The following MARCHF1 variants were observed in gnomAD, a reference collection of about 807,000 sequenced individuals.
The protein encoded by MARCHF1 is E3 ubiquitin-protein ligase MARCHF1.
MARCHF1 carries 40 observed loss-of-function variants against 54.2 expected under a neutral mutation model. That is an observed-to-expected ratio of 0.74 (90% confidence interval 0.57 to 0.96). MARCHF1 has a LOEUF of 0.96. Among genes scored for constraint, MARCHF1 ranks in the 40% least tolerant of loss-of-function variants. The probability of loss-of-function intolerance (pLI) is 0.00; values close to 1 mark genes in which losing one functional copy is unlikely to be tolerated. For missense variants in MARCHF1, 586 were observed against 656.5 expected (o/e 0.89, Z 1.17); for synonymous variants, 236 against 236.3 (o/e 1.00, Z 0.01).
At chr4:164,250,772 CA>C (rs1193801250) in intron 1 of MARCHF1, among the ~76,000 whole-genome samples, 16 of 152,020 alleles carry the variant, frequency 1.1e-4, no homozygotes, top group Non-Finnish European at 2.1e-4. Flanking sequence ...ATTTTAACAA[CA>C]TTGCCTAGAA....
chr4:164,223,141 C>A (rs1732159978), intron 1 of MARCHF1, among the ~76,000 whole-genome samples: 1 of 151,966 alleles, frequency 6.6e-6, no homozygotes, highest in South Asian at 2.1e-4. Context: ...CCCTTAACAC[C>A]TGGGGATTAT....
At chr4:163,727,940 G>C (rs1745713418) in intron 4 of MARCHF1, among the ~76,000 whole-genome samples, 1 of 152,054 alleles carries the variant, frequency 6.6e-6, no homozygotes, top group Admixed American at 6.6e-5. Flanking sequence ...TCCCTCCTGG[G>C]CCTCTCAAAG....
intron 4 of MARCHF1, among the ~76,000 whole-genome samples, chr4:163,825,061 A>G (rs1308315800): frequency 6.6e-6 from 1 of 152,006 alleles, no homozygotes; most frequent in African/African-American, 2.4e-5. Flanking sequence ...AACTAGTTCA[A>G]CCAAATCTAT....
At chr4:164,340,405 T>TTATATACATATATATATATATATATATA (rs58808830) in intron 1 of MARCHF1, among the ~76,000 whole-genome samples, 11 of 95,646 alleles carry the variant, frequency 1.2e-4, no homozygotes, top group East Asian at 4.0e-4. Context: ...AGGCCTTGAT[T>TTATATACATATATATATATATATATATA]TATATATAGA....
At chr4:164,217,096 T>C (rs1731956010) in intron 1 of MARCHF1, among the ~76,000 whole-genome samples, 1 of 152,214 alleles carries the variant, frequency 6.6e-6, no homozygotes, top group Non-Finnish European at 1.5e-5. Flanking sequence ...CTAGAGATGA[T>C]AATTTGTCAA....
At chr4:163,936,123 G>A (rs1345632830) in intron 3 of MARCHF1, among the ~76,000 whole-genome samples, 1 of 152,158 alleles carries the variant, frequency 6.6e-6, no homozygotes, top group East Asian at 1.9e-4. Context: ...TGACGATGGA[G>A]CAGTCAGAAC....
chr4:164,244,993 G>A (rs1272322126), intron 1 of MARCHF1, among the ~76,000 whole-genome samples: 2 of 152,122 alleles, frequency 1.3e-5, no homozygotes, highest in Non-Finnish European at 2.9e-5. Context: ...AAGAGTCCAG[G>A]ACCAGATGGA....
In MARCHF1 at chr4:164,324,187, T is replaced by C. The variant is rs1251796020; in HGVS notation, c.-323+59683A>G. 3.3e-5 allele frequency among the ~76,000 whole-genome samples: 5 copies of C among 151,964 alleles called. No individual in the cohort carries two copies. The East Asian group carries it at 9.6e-4, about 29-fold the overall frequency. The stretch of plus-strand genomic sequence containing the variant: ...ACAAACAAACAGAGGAAGAAAATCA[T>C]ACAATTATAACATTAGAAGTAGGAA... On this transcript the variant is annotated intron_variant, in intron 1 of 9. Transcript: ENST00000514618.
At chr4:164,226,679 A>G (rs1200827078) in intron 1 of MARCHF1, among the ~76,000 whole-genome samples, 1 of 151,916 alleles carries the variant, frequency 6.6e-6, no homozygotes, top group African/African-American at 2.4e-5. Context: ...ATATATATAA[A>G]ATATATATAA....
chr4:164,208,567 A>C (rs1731676046), intron 1 of MARCHF1, among the ~76,000 whole-genome samples: 1 of 152,216 alleles, frequency 6.6e-6, no homozygotes, highest in Non-Finnish European at 1.5e-5. Context: ...AGGAGGAATA[A>C]GTGCCATTCT....
chr4:163,894,222 A>T (rs12643197), intron 3 of MARCHF1, among the ~76,000 whole-genome samples: 149,866 of 152,140 alleles, frequency 0.99, 73,865 homozygotes, highest in Middle Eastern at 1. Context: ...CCTTCAAGGC[A>T]GGATCAGTTT....
chr4:163,620,311 G>A (rs1044176962), intron 5 of MARCHF1, among the ~76,000 whole-genome samples: 2 of 152,002 alleles, frequency 1.3e-5, no homozygotes, highest in African/African-American at 2.4e-5. Flanking sequence ...TATTGTTGAA[G>A]TAACTGTAAA....
chr4:164,367,187 A>G (rs999084504), intron 1 of MARCHF1, among the ~76,000 whole-genome samples: 15 of 152,098 alleles, frequency 9.9e-5, no homozygotes, highest in Admixed American at 6.6e-4. Context: ...ATTTCTCCTT[A>G]TTACATTTTC....
At chr4:164,373,640 T>A (rs929811401) in intron 1 of MARCHF1, among the ~76,000 whole-genome samples, 1 of 151,930 alleles carries the variant, frequency 6.6e-6, no homozygotes, top group African/African-American at 2.4e-5. Context: ...CAGGCGTGAG[T>A]CACCGTGCCC....
chr4:164,197,472 TGCCAATACTTCCAG>T, intron 1 of MARCHF1: 2 of 1,613,720 alleles, frequency 1.2e-6, no homozygotes, highest in South Asian at 2.2e-5. Context: ...GACACTTTTC[TGCCAATACTTCCAG>T]GCCCCCTGAG....
At chr4:164,016,080 G>A (rs1337948193) in intron 2 of MARCHF1, among the ~76,000 whole-genome samples, 1 of 152,132 alleles carries the variant, frequency 6.6e-6, no homozygotes, top group African/African-American at 2.4e-5. Flanking sequence ...TGGATGAATG[G>A]ACAAAGAAAA....
At chr4:163,994,257 A>AGTGTGTGTGTGTGTGTGTGTGTGTGTGT (rs769035806) in intron 2 of MARCHF1, among the ~76,000 whole-genome samples, 2 of 137,028 alleles carry the variant, frequency 1.5e-5, no homozygotes, top group Admixed American at 7.5e-5. Flanking sequence ...ATAGAGAAAA[A>AGTGTGTGTGTGTGTGTGTGTGTGTGTGT]GTGTGTGTGT....
intron 1 of MARCHF1, among the ~76,000 whole-genome samples, chr4:164,235,316 A>G (rs1732518179): frequency 6.6e-6 from 1 of 152,148 alleles, no homozygotes; most frequent in Non-Finnish European, 1.5e-5. Context: ...TCTTTAGAAT[A>G]TTAAATGTTT....
At chr4:163,565,504 T>G (rs1384232349) in intron 8 of MARCHF1, among the ~76,000 whole-genome samples, 1 of 152,170 alleles carries the variant, frequency 6.6e-6, no homozygotes, top group Non-Finnish European at 1.5e-5. Flanking sequence ...TTGCAAACAA[T>G]CTACCAAATT....
Sources: gnomAD v4.1 joint callset for allele counts (sites outside exome capture counted in the v4.1 genomes callset) on GRCh38, gnomAD v4.1.1 for gene constraint, MANE v1.5 for transcripts, NCBI Gene and HGNC (gene_info 2026-07-23, HGNC 2026-07-21) for gene names.